The following RPS13 variants were observed in gnomAD, a reference collection of about 807,000 sequenced individuals.
RPS13 encodes the protein ribosomal protein S13, also known as small ribosomal subunit protein uS15.
A neutral mutation model predicts 24.6 loss-of-function variants in RPS13; 1 was observed. The ratio of observed to expected loss-of-function variants is 0.04; its 90% CI spans 0.01 to 0.19. The LOEUF is 0.19. Among genes scored for constraint, RPS13 ranks in the 10% least tolerant of loss-of-function variants. RPS13 has a pLI of 1.00. For missense variants in RPS13, 88 were observed against 187.4 expected (o/e 0.47, Z 3.10); for synonymous variants, 69 against 65.3 (o/e 1.06, Z -0.27).
intron 5 of RPS13, chr11:17,074,865 T>C: frequency 1.6e-6 from 1 of 615,232 alleles, no homozygotes; most frequent in Non-Finnish European, 2.9e-6. Flanking sequence ...TCTGCAACTA[T>C]GGCCCTCTGC....
At chr11:17,076,248 G>A (rs967356444) in intron 3 of RPS13, among the ~76,000 whole-genome samples, 3 of 152,110 alleles carry the variant, frequency 2.0e-5, no homozygotes, top group Non-Finnish European at 2.9e-5. Context: ...TTAGCCGGGC[G>A]TGGTGGTGCG....
chr11:17,076,937 G>A (rs566486158), intron 3 of RPS13: 2 of 553,072 alleles, frequency 3.6e-6, no homozygotes, highest in African/African-American at 3.8e-5. Flanking sequence ...CAGCGGCAGT[G>A]TGCCTCTGCT....
rs1481985886 is a variant in RPS13, at chr11:17,075,566, T to G, written c.209A>C (p.Lys70Thr). 1.9e-6 allele frequency: 3 copies of G among 1,611,006 alleles called. No individual in the cohort carries two copies. The Admixed American group carries it at 5.0e-5, about 27-fold the overall frequency. ...CTTAGACTTAAGAATTCTTAAAATT[T>G]TATTGCCTGTCACAAAACGTACTTG... ...VAQVRFVTGN[K>T]ILRILKSKGL... The change falls in exon 4 of 6, where the codon AAA becomes ACA. Residue 70 changes from lysine to threonine, a missense_variant. Lys to Thr is a moderately conservative substitution (Grantham distance 78, BLOSUM62 -1). Transcript: ENST00000525634.
At chr11:17,076,192 G>A (rs947294862) in intron 3 of RPS13, among the ~76,000 whole-genome samples, 2 of 152,138 alleles carry the variant, frequency 1.3e-5, no homozygotes, top group Non-Finnish European at 2.9e-5. Context: ...TCTGAGACCA[G>A]CCTGGCCAAC....
chr11:17,076,733 A>C, intron 3 of RPS13: 1 of 321,716 alleles, frequency 3.1e-6, no homozygotes, highest in Non-Finnish European at 6.1e-6. Context: ...GTCGGAGAGT[A>C]GTATGTTCTC....
chr11:17,076,139 G>C (rs1848022560), intron 3 of RPS13: 1 of 239,044 alleles, frequency 4.2e-6, no homozygotes, highest in East Asian at 1.2e-4. Context: ...TGTAATCCCA[G>C]CACTTTGGGA....
intron 3 of RPS13, 31 bp from the exon 4 acceptor site, chr11:17,075,654 C>T (rs757413035): frequency 1.4e-5 from 22 of 1,534,886 alleles, no homozygotes; most frequent in Non-Finnish European, 1.9e-5. Context: ...TAACTTTCAA[C>T]ACGAAACACA....
chr11:17,074,477 A>G lies in RPS13; in HGVS notation c.423-11T>C. ...GCTGTAGATGATTCACTGAAAAAGA[A>G]AAAAGGGGAAAGAAAGAAAATCAGG... On this transcript the variant is annotated splice_polypyrimidine_tract_variant and intron_variant, in intron 5 of 5. Transcript: ENST00000525634. The G allele has an allele frequency of 5.0e-6, 8 of 1,609,080 alleles. No homozygotes were observed. Among genetic ancestry groups the G allele is most frequent in the Non-Finnish European group, 6.8e-6 (8 of 1,175,732 alleles).
chr11:17,074,911 G>A (rs7928860), intron 5 of RPS13, among the ~76,000 whole-genome samples, 186 bp downstream of exon 5: 3,362 of 152,224 alleles, frequency 0.022, 120 homozygotes, highest in African/African-American at 0.077. Context: ...ACACCCATTC[G>A]ATTATGTATT....
At position 17,075,441 on chromosome 11, in the gene RPS13, T is replaced by C. The variant is rs748250050; in HGVS notation, c.321+13A>G. The C allele has an allele frequency of 7.8e-6, 12 of 1,541,522 alleles. No homozygotes were observed. The highest frequency in any genetic ancestry group is 8.7e-6 in the Non-Finnish European group (10 of 1,148,960). ...CAGTCCTACTTAGCACCAGGTTTTATTTATTAGCTTACCTTTCTGTTCCTC... is the reference window on the plus strand; with the variant it reads ...CAGTCCTACTTAGCACCAGGTTTTACTTATTAGCTTACCTTTCTGTTCCTC... On this transcript the variant is annotated intron_variant, in intron 4 of 5. Transcript: ENST00000525634.
chr11:17,076,773 AG>A, intron 3 of RPS13: 1 of 316,144 alleles, frequency 3.2e-6, no homozygotes. Flanking sequence ...AGCACATAGA[AG>A]GTAAACATTT....
In RPS13 at chr11:17,075,455, T is replaced by C; in HGVS notation, c.320A>G (p.Lys107Arg). 1 of 1,560,404 alleles carries C rather than the reference T, an allele frequency of 6.4e-7. No individual in the cohort carries two copies. Among genetic ancestry groups the C allele is most frequent in the South Asian group, 1.2e-5 (1 of 81,508 alleles). The change falls in exon 4 of 6, where the codon AAG becomes AGG. Residue 107 changes from lysine (K) to arginine (R), a missense_variant and splice_region_variant. Transcript: ENST00000525634. ...AVRKHLERNR[K>R]DKDAKFRLIL... is the part of the protein sequence containing the mutation. The stretch of plus-strand genomic sequence containing the variant: ...ACCAGGTTTTATTTATTAGCTTACC[T>C]TTCTGTTCCTCTCAAGATGCTTTCG...
At position 17,075,942 on chromosome 11, in the gene RPS13, A is replaced by G. The variant is rs568842487; in HGVS notation, c.152-319T>C. The G allele has an allele frequency of 2.0e-4, 87 of 444,096 alleles. 1 individual carries two copies. Among genetic ancestry groups the G allele is most frequent in the African/African-American group, 1.7e-3 (84 of 49,746 alleles). 27.5% of individuals were successfully genotyped at this position (444,096 alleles called of 1,614,324 possible). ...AACATTTACTGAGAACTCTGGTCAG[A>G]TATTCTTCTAAAAACTTTACACGTT... On this transcript the variant is annotated intron_variant, in intron 3 of 5. Coordinates refer to ENST00000525634, the MANE Select transcript of RPS13 (RefSeq NM_001017.3).
chr11:17,074,957 C>G (rs1848004092), intron 5 of RPS13, 140 bp downstream of exon 5: 1 of 641,366 alleles, frequency 1.6e-6, no homozygotes, highest in African/African-American at 1.8e-5. Context: ...GGCCAGAGCT[C>G]AAAGAGCAGT....
intron 5 of RPS13, 90 bp downstream of exon 5, chr11:17,075,007 G>T: frequency 2.3e-6 from 2 of 853,708 alleles, no homozygotes; most frequent in Non-Finnish European, 3.8e-6. Context: ...TTTACTACTA[G>T]CCCCCAAGGC....
At chr11:17,077,388 C>A (rs749962933) in intron 2 of RPS13, 41 bp downstream of exon 2, 4 of 1,597,602 alleles carry the variant, frequency 2.5e-6, no homozygotes, top group South Asian at 1.1e-5. Context: ...CAAATGCCAA[C>A]CCCCTCCCCG....
rs181062149 is a variant in RPS13 at position 17,075,965 on chromosome 11, G to A, written c.152-342C>T. ...AGATATTCTTCTAAAAACTTTACAC[G>A]TTATTTCTTTTAAACCTCTAATGAG... On this transcript the variant is annotated intron_variant, in intron 3 of 5. Coordinates refer to ENST00000525634, the MANE Select transcript of RPS13 (RefSeq NM_001017.3). 46 of 390,618 alleles carry A rather than the reference G, an allele frequency of 1.2e-4. 1 individual carries two copies. In the East Asian group the frequency reaches 2.4e-3, roughly 20 times the overall value. 24.2% of individuals were successfully genotyped at this position (390,618 alleles called of 1,614,324 possible). A position where few individuals can be genotyped will look rare whatever the true frequency, so the allele number is the denominator to read the frequency against.
intron 4 of RPS13, 71 bp downstream of exon 4, chr11:17,075,383 G>T: frequency 8.2e-7 from 1 of 1,213,084 alleles, no homozygotes; most frequent in Non-Finnish European, 1.2e-6. Flanking sequence ...CAAACCAGAT[G>T]CATTACATTT....
chr11:17,076,154 G>A (rs558810243), intron 3 of RPS13: 4 of 225,342 alleles, frequency 1.8e-5, no homozygotes, highest in Admixed American at 1.1e-4. Context: ...TTGGGAGGCC[G>A]AGGCAGTGGA....
Sources: gnomAD v4.1 joint callset for allele counts (sites outside exome capture counted in the v4.1 genomes callset) on GRCh38, gnomAD v4.1.1 for gene constraint, MANE v1.5 for transcripts, NCBI Gene and HGNC (gene_info 2026-07-23, HGNC 2026-07-21) for gene names.